Variants in TMEM108 observed in about 807,000 individuals in gnomAD.
TMEM108 encodes the protein cancer/testis antigen 124.
In TMEM108, 12 loss-of-function variants were observed where a neutral mutation model predicts 35.1. The observed-to-expected ratio is 0.34, with a 90% CI of 0.22 to 0.55. The LOEUF (loss-of-function observed/expected upper bound fraction) is 0.55. Ranked by LOEUF, TMEM108 falls within the 20% of genes least tolerant of loss-of-function variation. TMEM108 has a pLI of 0.89. For missense variants in TMEM108, 680 were observed against 753.3 expected (o/e 0.90, Z 1.14); for synonymous variants, 287 against 308.6 (o/e 0.93, Z 0.73).
At chr3:133,073,510 C>CTCTCTATATATATATA in intron 2 of TMEM108, among the ~76,000 whole-genome samples, 110 of 43,862 alleles carry the variant, frequency 2.5e-3, no homozygotes, top group Middle Eastern at 0.016. Context: ...CTCTCTCTCT[C>CTCTCTATATATATATA]TATATATATA....
chr3:133,363,581 AT>A (rs796382369), intron 3 of TMEM108, among the ~76,000 whole-genome samples: 1 of 151,750 alleles, frequency 6.6e-6, no homozygotes, highest in Non-Finnish European at 1.5e-5. Context: ...AATTTTTTGC[AT>A]TTTTTTAGAG....
At chr3:133,195,342 T>C (rs1305141789) in intron 2 of TMEM108, among the ~76,000 whole-genome samples, 1 of 152,166 alleles carries the variant, frequency 6.6e-6, no homozygotes, top group African/African-American at 2.4e-5. Flanking sequence ...CAAGATCTCA[T>C]AATTTTGTAC....
At chr3:133,073,510 C>CTATATATATATATA (rs1183039173) in intron 2 of TMEM108, among the ~76,000 whole-genome samples, 58 of 43,888 alleles carry the variant, frequency 1.3e-3, no homozygotes, top group Non-Finnish European at 1.7e-3. Flanking sequence ...CTCTCTCTCT[C>CTATATATATATATA]TATATATATA....
intron 3 of TMEM108, among the ~76,000 whole-genome samples, chr3:133,323,797 A>C (rs146618680): frequency 3.0e-4 from 46 of 152,356 alleles, no homozygotes; most frequent in African/African-American, 1.1e-3. Flanking sequence ...CATAGTTACC[A>C]AAACAGCATG....
chr3:133,251,701 C>A (rs962097087), intron 3 of TMEM108, among the ~76,000 whole-genome samples: 1 of 152,024 alleles, frequency 6.6e-6, no homozygotes, highest in Non-Finnish European at 1.5e-5. Flanking sequence ...TGCTCCTATC[C>A]CACTGTCTAG....
chr3:133,320,530 C>T (rs973328372), intron 3 of TMEM108, among the ~76,000 whole-genome samples: 1 of 152,076 alleles, frequency 6.6e-6, no homozygotes, highest in Non-Finnish European at 1.5e-5. Context: ...ATGTTACATA[C>T]ACAAATGTAA....
intron 2 of TMEM108, among the ~76,000 whole-genome samples, chr3:133,135,508 G>A (rs1944552978): frequency 6.6e-6 from 1 of 152,040 alleles, no homozygotes; most frequent in Non-Finnish European, 1.5e-5. Flanking sequence ...CTAGAGAGGT[G>A]AATTAGCTAG....
intron 2 of TMEM108, among the ~76,000 whole-genome samples, chr3:133,077,689 A>G (rs1943758859): frequency 6.6e-6 from 1 of 152,194 alleles, no homozygotes; most frequent in Non-Finnish European, 1.5e-5. Flanking sequence ...TTGTGCCCCT[A>G]AATTCCCCTG....
At chr3:133,161,576 TAAAAAC>T (rs767171424) in intron 2 of TMEM108, among the ~76,000 whole-genome samples, 2 of 151,944 alleles carry the variant, frequency 1.3e-5, no homozygotes, top group Non-Finnish European at 2.9e-5. Context: ...TTTTGTTAGA[TAAAAAC>T]AAAAATGTGA....
intron 2 of TMEM108, among the ~76,000 whole-genome samples, chr3:133,197,533 A>G (rs16840066): frequency 0.034 from 5,142 of 152,232 alleles, 291 homozygotes; most frequent in African/African-American, 0.12. Context: ...GGATTTCTCT[A>G]TTGGCTCCTA....
intron 3 of TMEM108, among the ~76,000 whole-genome samples, chr3:133,370,145 C>CTT (rs3054623): frequency 0.032 from 4,047 of 126,758 alleles, 209 homozygotes; most frequent in African/African-American, 0.11. Context: ...TTCAGACTCC[C>CTT]TTTTTTTTTT....
chr3:133,080,833 T>C (rs1943800299), intron 2 of TMEM108, among the ~76,000 whole-genome samples: 1 of 152,190 alleles, frequency 6.6e-6, no homozygotes, highest in African/African-American at 2.4e-5. Context: ...TTTTAAATAC[T>C]AGGACTTGCG....
At chr3:133,181,953 C>T (rs1229110034) in intron 2 of TMEM108, among the ~76,000 whole-genome samples, 1 of 152,150 alleles carries the variant, frequency 6.6e-6, no homozygotes, top group Non-Finnish European at 1.5e-5. Context: ...TCAGAGAGGT[C>T]TCTTTGCCCA....
At position 133,175,783 on chromosome 3, in the gene TMEM108, A is replaced by G. The variant is rs563438811; in HGVS notation, c.-46-53483A>G. ...CATCAACTAACGAGCAAAATAACCA[A>G]CTAACATCATAATGACAGATCAAAT... On this transcript the variant is annotated intron_variant, in intron 2 of 5. Coordinates refer to ENST00000321871, the MANE Select transcript of TMEM108 (RefSeq NM_023943.4). Among the ~76,000 whole-genome samples the G allele has an allele frequency of 5.3e-4, 81 of 152,272 alleles. 1 individual carries two copies. Among genetic ancestry groups the G allele is most frequent in the African/African-American group, 1.7e-3 (69 of 41,556 alleles).
At chr3:133,120,454 A>T (rs1944338924) in intron 2 of TMEM108, among the ~76,000 whole-genome samples, 1 of 152,164 alleles carries the variant, frequency 6.6e-6, no homozygotes, top group African/African-American at 2.4e-5. Flanking sequence ...TACACTCTAC[A>T]GTCTTTGCCT....
intron 2 of TMEM108, among the ~76,000 whole-genome samples, chr3:133,213,798 C>G (rs907553551): frequency 6.6e-6 from 1 of 152,028 alleles, no homozygotes; most frequent in African/African-American, 2.4e-5. Context: ...CATTATTGTG[C>G]TTTGGTGTGT....
At chr3:133,363,289 G>A (rs1474002731) in intron 3 of TMEM108, among the ~76,000 whole-genome samples, 2 of 152,080 alleles carry the variant, frequency 1.3e-5, no homozygotes, top group African/African-American at 2.4e-5. Flanking sequence ...TCTGGAACAG[G>A]GACCCAACAG....
intron 3 of TMEM108, among the ~76,000 whole-genome samples, chr3:133,291,856 G>A (rs1466709122): frequency 6.6e-6 from 1 of 152,008 alleles, no homozygotes; most frequent in Non-Finnish European, 1.5e-5. Flanking sequence ...ACAAAGTACA[G>A]ACATACACGA....
chr3:133,103,824 TA>T (rs1944117656), intron 2 of TMEM108, among the ~76,000 whole-genome samples: 3 of 152,196 alleles, frequency 2.0e-5, no homozygotes, highest in African/African-American at 7.2e-5. Flanking sequence ...CCATGCCTCT[TA>T]GGCAAGTCAG....
Sources: allele counts gnomAD v4.1 joint callset (sites outside exome capture counted in the v4.1 genomes callset), GRCh38; gene constraint gnomAD v4.1.1; transcripts MANE v1.5; gene names NCBI Gene and HGNC (gene_info 2026-07-23, HGNC 2026-07-21).